Variants in CACNA1B observed in about 807,000 individuals in gnomAD.
CACNA1B encodes calcium voltage-gated channel subunit alpha1 B.
In CACNA1B, 70 loss-of-function variants were observed where a neutral mutation model predicts 247.2. That is an observed-to-expected ratio of 0.28 (90% CI 0.23 to 0.35). The LOEUF is 0.35. CACNA1B is among the 10% of genes least tolerant of loss of function. The pLI, the probability that CACNA1B is intolerant of heterozygous loss-of-function variation, is 1.00. For missense variants in CACNA1B, 2,367 were observed against 3,197.4 expected (o/e 0.74, Z 6.26); for synonymous variants, 1,231 against 1,294.4 (o/e 0.95, Z 1.05).
Position 137,879,084 on chromosome 9 carries a change from C to A in CACNA1B, c.315C>A (p.Ile105=), listed in dbSNP as rs777502613. The change falls in exon 2 of 47, where the codon ATC becomes ATA. Residue 105 remains isoleucine (I), a synonymous_variant. Coordinates refer to ENST00000371372, the MANE Select transcript of CACNA1B (RefSeq NM_000718.4). ...TCGAGTATATGATCCTGGCCACCAT[C>A]ATCGCCAACTGCATCGTGCTGGCCC... ...PPFEYMILAT[I]IANCIVLALE... 1.2e-6 allele frequency: 2 copies of A among 1,612,326 alleles called. No homozygotes were observed. The highest frequency in any genetic ancestry group is 1.7e-5 in the Admixed American group (1 of 59,986).
At chr9:137,908,374 G>T (rs1957320571) in intron 3 of CACNA1B, among the ~76,000 whole-genome samples, 1 of 151,876 alleles carries the variant, frequency 6.6e-6, no homozygotes, top group Non-Finnish European at 1.5e-5. Context: ...AAATTAGCCA[G>T]GTATGGTGGC....
Position 137,914,560 on chromosome 9 carries a change from C to A in CACNA1B, c.623-94C>A. On this transcript the variant is annotated intron_variant, in intron 4 of 46. Transcript: ENST00000371372. This position sits in a 1 kb window ranked among gnomAD's most constrained non-coding sequence, Gnocchi z 4.3. ...CTCACTGCTTAGCACCTTGCTGTCC[C>A]TGCTAGGTTCCTGCTGTTCTGTCCC... 1 of 1,042,030 alleles carries A rather than the reference C, an allele frequency of 9.6e-7. No individual in the cohort carries two copies. The highest frequency in any genetic ancestry group is 2.5e-5 in the East Asian group (1 of 40,682). 64.5% of individuals were successfully genotyped at this position (1,042,030 alleles called of 1,614,324 possible).
At chr9:138,107,287 C>T (rs1040969289) in intron 39 of CACNA1B, among the ~76,000 whole-genome samples, 11 of 150,214 alleles carry the variant, frequency 7.3e-5, no homozygotes, top group Admixed American at 2.7e-4. Flanking sequence ...CACTGTGTCA[C>T]CCAGGCTGGA....
chr9:137,928,399 A>G (rs572514652), intron 6 of CACNA1B, among the ~76,000 whole-genome samples: 114 of 152,240 alleles, frequency 7.5e-4, no homozygotes, highest in Non-Finnish European at 1.2e-3. Context: ...TGCCTGGCCT[A>G]TGATTTTCCT....
At position 137,895,615 on chromosome 9, in the gene CACNA1B, T is replaced by C. The variant is rs535902054; in HGVS notation, c.530+12732T>C. Among the ~76,000 whole-genome samples, 7 of 152,336 alleles carry C rather than the reference T, an allele frequency of 4.6e-5. No individual in the cohort carries two copies. The South Asian group carries it at 1.5e-3, about 32-fold the overall frequency. ...TTTTATTTTGTGTGATTATAGATGG[T>C]ATTGCATTTTAAATTTTGGTATCTG... On this transcript the variant is annotated intron_variant, in intron 3 of 46. Coordinates refer to ENST00000371372, the MANE Select transcript of CACNA1B (RefSeq NM_000718.4).
chr9:138,007,867 G>A lies in CACNA1B; in HGVS notation c.2092+983G>A, dbSNP rs765205661. On this transcript the variant is annotated intron_variant, in intron 16 of 46. Coordinates refer to ENST00000371372, the MANE Select transcript of CACNA1B (RefSeq NM_000718.4). This position sits in a 1 kb window ranked among gnomAD's most constrained non-coding sequence, Gnocchi z 4.1. ...CACTCCACCCCGTCTGTCTGTCCTC[G>A]TCTCTGCCTCACTGGTGCCGGTGCC... Among the ~76,000 whole-genome samples, 1 of 152,162 alleles carries A rather than the reference G, an allele frequency of 6.6e-6. No homozygotes were observed. The highest frequency in any genetic ancestry group is 2.1e-4 in the South Asian group (1 of 4,828).
chr9:138,022,806 G>A (rs1183174002), intron 18 of CACNA1B, among the ~76,000 whole-genome samples: 1 of 8,550 alleles, frequency 1.2e-4, no homozygotes, highest in African/African-American at 8.1e-4. Flanking sequence ...GGGACACCGT[G>A]GGGGGGGGGG....
At chr9:138,028,758 T>A (rs1161271897) in intron 20 of CACNA1B, among the ~76,000 whole-genome samples, 1 of 152,228 alleles carries the variant, frequency 6.6e-6, no homozygotes, top group Non-Finnish European at 1.5e-5. Context: ...GGATTCAGAC[T>A]TGCTTGGTCT....
At chr9:138,103,928 C>T (rs757658012) in intron 38 of CACNA1B, among the ~76,000 whole-genome samples, 8 of 152,258 alleles carry the variant, frequency 5.3e-5, no homozygotes, top group Non-Finnish European at 1.2e-4. Flanking sequence ...TCAGCCCCTG[C>T]CCTGCCCCTG....
intron 15 of CACNA1B, among the ~76,000 whole-genome samples, chr9:137,992,353 A>G (rs746074468): frequency 1.3e-5 from 2 of 152,250 alleles, no homozygotes; most frequent in African/African-American, 2.4e-5. Context: ...GGGACATTAT[A>G]TAATGATAAA....
chr9:138,093,075 C>T (rs1403822199), intron 36 of CACNA1B, among the ~76,000 whole-genome samples: 1 of 151,970 alleles, frequency 6.6e-6, no homozygotes, highest in East Asian at 1.9e-4. Flanking sequence ...AGTGAAATAC[C>T]ACTTCACACC....
Position 138,102,833 on chromosome 9 carries a change from C to G in CACNA1B, c.5319+26C>G. On this transcript the variant is annotated intron_variant, in intron 38 of 46. Coordinates refer to ENST00000371372, the MANE Select transcript of CACNA1B (RefSeq NM_000718.4). This position sits in a 1 kb window ranked among gnomAD's most constrained non-coding sequence, Gnocchi z 5.4. ...GTAGACCCTGACCCTGCAACCCGCC[C>G]CCCAGGAGGCTGTGTGTGCTTGCTG... The G allele has an allele frequency of 6.9e-7, 1 of 1,458,076 alleles. No homozygotes were observed. The highest frequency in any genetic ancestry group is 1.4e-5 in the African/African-American group (1 of 71,818). The allele number at this position is 1,458,076 out of a possible 1,614,324, so 90.3% of individuals were successfully genotyped here.
At position 138,088,359 on chromosome 9, in the gene CACNA1B, ACT is replaced by A. The variant is rs768079340; in HGVS notation, c.5095-8122_5095-8121del. Reference sequence around the variant, plus strand: ...ACTCCAGCCTGGGTGACAAAGCCAGACTCTGTCTCAAAAAAAAAAAAATTGTT... The same window carrying A: ...ACTCCAGCCTGGGTGACAAAGCCAGACTGTCTCAAAAAAAAAAAAATTGTT... On this transcript the variant is annotated intron_variant, in intron 36 of 46. Transcript: ENST00000371372. Among the ~76,000 whole-genome samples, 96 of 151,940 alleles carry A rather than the reference ACT, an allele frequency of 6.3e-4. 3 individuals are homozygous for A. Among genetic ancestry groups the A allele is most frequent in the South Asian group, 5.4e-3 (26 of 4,802 alleles).
intron 31 of CACNA1B, among the ~76,000 whole-genome samples, chr9:138,065,388 A>G (rs556121731): frequency 2.0e-5 from 3 of 152,124 alleles, no homozygotes; most frequent in Admixed American, 2.0e-4. Flanking sequence ...GAGGGTGAGT[A>G]CCATCGTGGA....
rs1960220923 is a variant in CACNA1B, at chr9:138,073,921, A to G, written c.4792-80A>G. On this transcript the variant is annotated intron_variant, in intron 33 of 46. Transcript: ENST00000371372. This position sits in a 1 kb window ranked among gnomAD's most constrained non-coding sequence, Gnocchi z 6.4. ...AGTAGGCTGAGGTCTGTGTGACCTC[A>G]AAGGCCCAGCCACCGTAGCAGGAGG... The G allele has an allele frequency of 8.4e-7, 1 of 1,183,632 alleles. No individual in the cohort carries two copies. The highest frequency in any genetic ancestry group is 1.5e-5 in the African/African-American group (1 of 66,814). The allele number at this position is 1,183,632 out of a possible 1,614,324, so 73.3% of individuals were successfully genotyped here.
intron 6 of CACNA1B, among the ~76,000 whole-genome samples, chr9:137,949,085 G>T (rs1401231810): frequency 1.6e-4 from 3 of 18,972 alleles, no homozygotes; most frequent in African/African-American, 5.8e-4. Flanking sequence ...TGTGGTGTGT[G>T]TGTGGTGTGT....
chr9:138,092,815 A>G (rs1452455786), intron 36 of CACNA1B, among the ~76,000 whole-genome samples: 1 of 152,216 alleles, frequency 6.6e-6, no homozygotes, highest in Admixed American at 6.5e-5. Flanking sequence ...AAATCTTCAC[A>G]ATTTATGTTC....
intron 18 of CACNA1B, among the ~76,000 whole-genome samples, chr9:138,015,029 T>C (rs1958772955): frequency 6.6e-6 from 1 of 152,190 alleles, no homozygotes; most frequent in African/African-American, 2.4e-5. Context: ...ACCATGCTGA[T>C]TCCTACGCGA....
At chr9:137,943,388 G>A (rs1244324973) in intron 6 of CACNA1B, among the ~76,000 whole-genome samples, 1 of 152,138 alleles carries the variant, frequency 6.6e-6, no homozygotes, top group Admixed American at 6.5e-5. Context: ...GATTCTGAGA[G>A]CCTTAGCAAC....
Sources: gnomAD v4.1 joint callset for allele counts (sites outside exome capture counted in the v4.1 genomes callset) on GRCh38, gnomAD v4.1.1 for gene constraint, Gnocchi (gnomAD v3.1) non-coding constraint, MANE v1.5 for transcripts, NCBI Gene and HGNC (gene_info 2026-07-23, HGNC 2026-07-21) for gene names.